The following ANKRD11 variants were observed in gnomAD, a reference collection of about 807,000 sequenced individuals.
ANKRD11 encodes the protein ankyrin repeat domain-containing protein 11.
In ANKRD11, 17 loss-of-function variants were observed where a neutral mutation model predicts 195.7. That is an observed-to-expected ratio of 0.09 (90% CI 0.06 to 0.13). The LOEUF (loss-of-function observed/expected upper bound fraction) is 0.13, where lower values mean the gene tolerates loss of function less well. Ranked by LOEUF, ANKRD11 falls within the 10% of genes least tolerant of loss-of-function variation. The probability of loss-of-function intolerance (pLI) is 1.00; values close to 1 mark genes in which losing one functional copy is unlikely to be tolerated. For missense variants in ANKRD11, 3,735 were observed against 3,566.1 expected (o/e 1.05, Z -1.21); for synonymous variants, 1,953 against 1,528.1 (o/e 1.28, Z -6.49).
At chr16:89,345,181 C>T (rs1033177066) in intron 2 of ANKRD11, among the ~76,000 whole-genome samples, 1 of 152,096 alleles carries the variant, frequency 6.6e-6, no homozygotes, top group Admixed American at 6.5e-5. Context: ...CAAAAAGACA[C>T]TGTACAATCT....
Position 89,288,564 on chromosome 16 carries a change from C to T in ANKRD11, c.708G>A (p.Thr236=), listed in dbSNP as rs756858960. ...CGTTGTTGGCAGCGTCGTGCAAAGGCGTGTCGTCATCTAGGCCCTTGGTGT... is the reference window on the plus strand; with the variant it reads ...CGTTGTTGGCAGCGTCGTGCAAAGGTGTGTCGTCATCTAGGCCCTTGGTGT... ...EVNTKGLDDD[T]PLHDAANNGH... is the part of the protein sequence containing the mutation. The change falls in exon 7 of 13, where the codon ACG becomes ACA. Residue 236 remains threonine, a synonymous_variant. Coordinates refer to ENST00000301030, the MANE Select transcript of ANKRD11 (RefSeq NM_013275.6). 1.1e-5 allele frequency: 18 copies of T among 1,614,028 alleles called. No homozygotes were observed. Among genetic ancestry groups the T allele is most frequent in the Non-Finnish European group, 8.5e-6 (10 of 1,180,038 alleles).
At chr16:89,430,441 C>T (rs1331766250) in intron 1 of ANKRD11, among the ~76,000 whole-genome samples, 1 of 149,992 alleles carries the variant, frequency 6.7e-6, no homozygotes, top group Non-Finnish European at 1.5e-5. Context: ...GGATTCTCAA[C>T]TCTCACGCTC....
At chr16:89,289,043 C>T (rs759569031) in intron 6 of ANKRD11, 1 of 325,482 alleles carries the variant, frequency 3.1e-6, no homozygotes, top group Non-Finnish European at 5.9e-6. Context: ...GGAAACCTCC[C>T]GTGTCGGAAA....
At chr16:89,407,275 ACT>A (rs960600447) in intron 2 of ANKRD11, among the ~76,000 whole-genome samples, 8 of 152,080 alleles carry the variant, frequency 5.3e-5, no homozygotes, top group African/African-American at 9.7e-5. Context: ...ACAGAAAAAG[ACT>A]CATATTTTTA....
chr16:89,291,462 C>T lies in ANKRD11; in HGVS notation c.227-279G>A, dbSNP rs1218335573. The stretch of plus-strand genomic sequence containing the variant: ...CCACCGAGCATCCACTCACTCCAGG[C>T]ACCTCTCCTGGGCCTCCCCAGACCT... On this transcript the variant is annotated intron_variant, in intron 4 of 12. Transcript: ENST00000301030. This position sits in a 1 kb window ranked among gnomAD's most constrained non-coding sequence, Gnocchi z 5.3. Among the ~76,000 whole-genome samples, 1 of 152,162 alleles carries T rather than the reference C, an allele frequency of 6.6e-6. No homozygotes were observed. Among genetic ancestry groups the T allele is most frequent in the Admixed American group, 6.5e-5 (1 of 15,274 alleles).
At chr16:89,300,904 G>A (rs1381983190) in intron 4 of ANKRD11, 2 of 701,182 alleles carry the variant, frequency 2.9e-6, no homozygotes, top group Non-Finnish European at 5.2e-6. Flanking sequence ...TTCGGCCCAT[G>A]GCGCTCCTGA....
chr16:89,477,832 TGTGGTGGCAGGCAGGA>T, intron 1 of ANKRD11, among the ~76,000 whole-genome samples: 2 of 151,530 alleles, frequency 1.3e-5, no homozygotes, highest in South Asian at 4.2e-4. Flanking sequence ...ATCAGCCAGG[TGTGGTGGCAGGCAGGA>T]GAACTGCTTG....
At chr16:89,480,581 A>C (rs2057413316) in intron 1 of ANKRD11, among the ~76,000 whole-genome samples, 1 of 152,162 alleles carries the variant, frequency 6.6e-6, no homozygotes, top group Non-Finnish European at 1.5e-5. Context: ...TAAAACAAAA[A>C]CAAGTCCAAG....
At chr16:89,365,312 C>T (rs559252710) in intron 2 of ANKRD11, among the ~76,000 whole-genome samples, 19 of 152,314 alleles carry the variant, frequency 1.2e-4, no homozygotes, top group Non-Finnish European at 2.6e-4. Context: ...CACCTCCTGA[C>T]GTTTCCATCA....
chr16:89,313,705 G>A, intron 3 of ANKRD11: 1 of 820,382 alleles, frequency 1.2e-6, no homozygotes, highest in Non-Finnish European at 1.7e-6. Flanking sequence ...GGTCAGATGT[G>A]TGCACCTGAG....
At chr16:89,444,659 T>C (rs534316721) in intron 1 of ANKRD11, among the ~76,000 whole-genome samples, 3 of 152,236 alleles carry the variant, frequency 2.0e-5, no homozygotes, top group South Asian at 4.1e-4. Context: ...CTTTTAGAAA[T>C]TCTACTCCAG....
In ANKRD11 at chr16:89,285,780, C is replaced by G. The variant is rs988435693; in HGVS notation, c.893-131G>C. ...CCTGCCTCTGCAGAGACACTTTGCTCGACTCATGGAAACCAGCCACAGGCA... is the reference window on the plus strand; with the variant it reads ...CCTGCCTCTGCAGAGACACTTTGCTGGACTCATGGAAACCAGCCACAGGCA... On this transcript the variant is annotated intron_variant, in intron 8 of 12. Transcript: ENST00000301030. The surrounding 1 kb of genome is among the most constrained non-coding windows in gnomAD (Gnocchi z 5.6). The G allele has an allele frequency of 7.0e-6, 8 of 1,148,652 alleles. No individual in the cohort carries two copies. The highest frequency in any genetic ancestry group is 1.0e-5 in the Non-Finnish European group (8 of 784,374). 71.2% of individuals were successfully genotyped at this position (1,148,652 alleles called of 1,614,324 possible).
chr16:89,363,831 G>A (rs1410182146), intron 2 of ANKRD11, among the ~76,000 whole-genome samples: 1 of 152,110 alleles, frequency 6.6e-6, no homozygotes, highest in Non-Finnish European at 1.5e-5. Flanking sequence ...GCGGCAAGGA[G>A]GACTGACTGA....
At position 89,282,458 on chromosome 16, in the gene ANKRD11, C is replaced by T. The variant is rs748428674; in HGVS notation, c.4084G>A (p.Asp1362Asn). ...HSSSSSKKSH[D>N]RERAKKEKAE... ...TTCTCTTTCTTGGCTCGCTCTCGGTCGTGGCTCTTCTTGGATGAAGATGAG... is the reference window on the plus strand; with the variant it reads ...TTCTCTTTCTTGGCTCGCTCTCGGTTGTGGCTCTTCTTGGATGAAGATGAG... Residue 1362 changes from aspartate to asparagine, a missense_variant, in exon 9 of 13, where the codon GAC (aspartate) becomes AAC (asparagine). Physicochemically the swap from Asp to Asn is conservative, Grantham distance 23. Coordinates refer to ENST00000301030, the MANE Select transcript of ANKRD11 (RefSeq NM_013275.6). 3 of 1,614,038 alleles carry T rather than the reference C, an allele frequency of 1.9e-6. No homozygotes were observed. The highest frequency in any genetic ancestry group is 2.5e-6 in the Non-Finnish European group (3 of 1,180,030).
Position 89,490,461 on chromosome 16 carries a change from G to A in ANKRD11, c.-361C>T. On this transcript the variant is annotated 5_prime_UTR_variant, in exon 1 of 13. Coordinates refer to ENST00000301030, the MANE Select transcript of ANKRD11 (RefSeq NM_013275.6). ...GGCTCGGGCGAGAGCCGCGGCTCCC[G>A]GTGCGGACGCTACTGATGGGGCGTC... The A allele has an allele frequency of 2.6e-6, 1 of 383,036 alleles. No individual in the cohort carries two copies. 23.7% of individuals were successfully genotyped at this position (383,036 alleles called of 1,614,324 possible).
At chr16:89,374,700 C>T (rs1266267419) in intron 2 of ANKRD11, among the ~76,000 whole-genome samples, 3 of 152,316 alleles carry the variant, frequency 2.0e-5, no homozygotes, top group South Asian at 2.1e-4. Context: ...AGCACTTCAA[C>T]TCTGCTCAGG....
At chr16:89,417,635 G>T (rs552994093) in intron 2 of ANKRD11, among the ~76,000 whole-genome samples, 1 of 152,220 alleles carries the variant, frequency 6.6e-6, no homozygotes, top group African/African-American at 2.4e-5. Context: ...CCTAGGAAAA[G>T]CCAGAATAGC....
chr16:89,288,510 G>T lies in ANKRD11; in HGVS notation c.744+18C>A, dbSNP rs147328392. ...TGCCAGGACAGGCCGGATGTGTGAAGAACGGGGGGATGCCAACCTTGTAGT... is the reference window on the plus strand; with the variant it reads ...TGCCAGGACAGGCCGGATGTGTGAATAACGGGGGGATGCCAACCTTGTAGT... On this transcript the variant is annotated intron_variant, in intron 7 of 12. Transcript: ENST00000301030. The T allele has an allele frequency of 1.2e-6, 2 of 1,614,066 alleles. No homozygotes were observed. The highest frequency in any genetic ancestry group is 2.2e-5 in the East Asian group (1 of 44,880).
intron 1 of ANKRD11, among the ~76,000 whole-genome samples, chr16:89,423,354 C>T (rs1212522948): frequency 1.3e-5 from 2 of 152,366 alleles, no homozygotes; most frequent in Non-Finnish European, 2.9e-5. Flanking sequence ...CCCTGGGCTC[C>T]GAACGGCAGT....
Sources: allele counts gnomAD v4.1 joint callset (sites outside exome capture counted in the v4.1 genomes callset), GRCh38; gene constraint gnomAD v4.1.1; non-coding constraint Gnocchi (gnomAD v3.1); transcripts MANE v1.5; gene names NCBI Gene and HGNC (gene_info 2026-07-23, HGNC 2026-07-21).